The following SV2B variants were observed in gnomAD, a reference collection of about 807,000 sequenced individuals.
SV2B encodes the protein synaptic vesicle glycoprotein 2B.
In SV2B, 41 loss-of-function variants were observed where a neutral mutation model predicts 73.9. The ratio of observed to expected loss-of-function variants is 0.56; its 90% confidence interval spans 0.43 to 0.72. The LOEUF (loss-of-function observed/expected upper bound fraction) is 0.72, where lower values mean the gene tolerates loss of function less well. Ranked by LOEUF, SV2B falls within the 30% of genes least tolerant of loss-of-function variation. SV2B has a pLI of 0.00. For synonymous variants in SV2B, 314 were observed against 314.2 expected (o/e 1.00, Z 0.01); for missense variants, 764 against 857.8 (o/e 0.89, Z 1.37).
At position 91,267,516 on chromosome 15, in the gene SV2B, T is replaced by C. The variant is rs2048146754; in HGVS notation, c.1120-39T>C. ...TTCGTGGGAGAAACAAAGTCACACA[T>C]TGCTTTCTTTAACAATCCTTCTCTG... is the stretch of plus-strand genomic sequence containing the variant. On this transcript the variant is annotated intron_variant, in intron 7 of 12. Coordinates refer to ENST00000394232, the MANE Select transcript of SV2B (RefSeq NM_001323032.3). The surrounding 1 kb of genome is among the most constrained non-coding windows in gnomAD (Gnocchi z 4.3). 1 of 1,562,404 alleles carries C rather than the reference T, an allele frequency of 6.4e-7. No homozygotes were observed. Among genetic ancestry groups the C allele is most frequent in the Non-Finnish European group, 8.8e-7 (1 of 1,135,942 alleles).
Position 91,106,578 on chromosome 15 carries a change from G to A in SV2B, c.-392+6215G>A, listed in dbSNP as rs915848872. 2.0e-5 allele frequency among the ~76,000 whole-genome samples: 3 copies of A among 152,208 alleles called. No individual in the cohort carries two copies. The highest frequency in any genetic ancestry group is 4.4e-5 in the Non-Finnish European group (3 of 68,028). On this transcript the variant is annotated intron_variant, in intron 1 of 12. Coordinates refer to ENST00000394232, the MANE Select transcript of SV2B (RefSeq NM_001323032.3). This position sits in a 1 kb window ranked among gnomAD's most constrained non-coding sequence, Gnocchi z 4.4. The stretch of plus-strand genomic sequence containing the variant: ...TATGCACTAAAAAGAGGCTTTAAAT[G>A]TGAAGGCTCCAATCGCTTATATCAT...
In SV2B at chr15:91,161,738, C is replaced by G. The variant is rs113224806; in HGVS notation, c.-392+61375C>G. Reference sequence around the variant, plus strand: ...TTGAACCTAGAATCTAGATCAAGATCCATGCTTTTTTCTCCACTCTGCCTA... The same window carrying G: ...TTGAACCTAGAATCTAGATCAAGATGCATGCTTTTTTCTCCACTCTGCCTA... On this transcript the variant is annotated intron_variant, in intron 1 of 12. Coordinates refer to ENST00000394232, the MANE Select transcript of SV2B (RefSeq NM_001323032.3). 4.5e-4 allele frequency among the ~76,000 whole-genome samples: 68 copies of G among 152,294 alleles called. 1 individual carries two copies. The highest frequency in any genetic ancestry group is 1.5e-3 in the African/African-American group (63 of 41,568).
chr15:91,154,451 G>A (rs1206508200), intron 1 of SV2B, among the ~76,000 whole-genome samples: 1 of 152,170 alleles, frequency 6.6e-6, no homozygotes, highest in Non-Finnish European at 1.5e-5. Flanking sequence ...TGTGGAAGGA[G>A]CAGGGAGGGA....
rs1290687907 is a variant in SV2B at position 91,137,053 on chromosome 15, C to A, written c.-392+36690C>A. Among the ~76,000 whole-genome samples, 2 of 152,168 alleles carry A rather than the reference C, an allele frequency of 1.3e-5. No individual in the cohort carries two copies. Among genetic ancestry groups the A allele is most frequent in the African/African-American group, 4.8e-5 (2 of 41,438 alleles). On this transcript the variant is annotated intron_variant, in intron 1 of 12. Coordinates refer to ENST00000394232, the MANE Select transcript of SV2B (RefSeq NM_001323032.3). The surrounding 1 kb of genome is among the most constrained non-coding windows in gnomAD (Gnocchi z 4.9). ...TTTTTAGGGAAGAGTATGAATGATGCAACTTGTAAACCAGTTATTGGGGTG... is the reference window on the plus strand; with the variant it reads ...TTTTTAGGGAAGAGTATGAATGATGAAACTTGTAAACCAGTTATTGGGGTG...
Position 91,110,920 on chromosome 15 carries a change from G to A in SV2B, c.-392+10557G>A, listed in dbSNP as rs1407481966. Among the ~76,000 whole-genome samples the A allele has an allele frequency of 6.6e-6, 1 of 151,698 alleles. No homozygotes were observed. The highest frequency in any genetic ancestry group is 2.4e-5 in the African/African-American group (1 of 41,392). ...ATAGGGTAGCAATGTAAAGGCAGTA[G>A]CTTGAAACTTAAGGCAAAGAAGAGA... On this transcript the variant is annotated intron_variant, in intron 1 of 12. Transcript: ENST00000394232. This position sits in a 1 kb window ranked among gnomAD's most constrained non-coding sequence, Gnocchi z 5.4.
At chr15:91,270,595 A>G (rs1289220409) in intron 9 of SV2B, among the ~76,000 whole-genome samples, 2 of 152,216 alleles carry the variant, frequency 1.3e-5, no homozygotes, top group Non-Finnish European at 2.9e-5. Context: ...AGTCAATACA[A>G]CGCAGAGTCC....
At chr15:91,163,572 G>A (rs2043803104) in intron 1 of SV2B, among the ~76,000 whole-genome samples, 1 of 152,214 alleles carries the variant, frequency 6.6e-6, no homozygotes, top group African/African-American at 2.4e-5. Flanking sequence ...CTTTTGAGAA[G>A]TGTCTGTTCA....
Position 91,288,217 on chromosome 15 carries a change from C to T in SV2B, c.1709-1304C>T, listed in dbSNP as rs181744729. Among the ~76,000 whole-genome samples, 3 of 152,212 alleles carry T rather than the reference C, an allele frequency of 2.0e-5. No individual in the cohort carries two copies. The highest frequency in any genetic ancestry group is 2.0e-4 in the Admixed American group (3 of 15,296). ...AATAGCCCATGTACAGGTGTGTTCT[C>T]ACCAGGTTATAAGCTCCATGAGAAT... is the stretch of plus-strand genomic sequence containing the variant. On this transcript the variant is annotated intron_variant, in intron 11 of 12. Transcript: ENST00000394232. The surrounding 1 kb of genome is among the most constrained non-coding windows in gnomAD (Gnocchi z 5.8).
chr15:91,179,393 T>G (rs1416164902), intron 1 of SV2B, among the ~76,000 whole-genome samples: 2 of 152,364 alleles, frequency 1.3e-5, no homozygotes, highest in East Asian at 3.9e-4. Flanking sequence ...GAGAGTTCTG[T>G]AGATGTCTAT....
intron 1 of SV2B, among the ~76,000 whole-genome samples, chr15:91,200,819 G>T (rs554111794): frequency 6.6e-6 from 1 of 152,270 alleles, no homozygotes; most frequent in East Asian, 1.9e-4. Context: ...CCTGAGGTGG[G>T]AGGAAGGCTT....
At chr15:91,186,346 T>C (rs1441929038) in intron 1 of SV2B, among the ~76,000 whole-genome samples, 1 of 152,168 alleles carries the variant, frequency 6.6e-6, no homozygotes, top group Admixed American at 6.5e-5. Flanking sequence ...TGAGCAAAAA[T>C]TATATATAAA....
In SV2B at chr15:91,253,693, G is replaced by A. The variant is rs1039503765; in HGVS notation, c.784+1173G>A. Reference sequence around the variant, plus strand: ...TCAACCTACAGCTTACAAGGTCTCCGGTTTGGGGAAAGAGAATGGGCAGTT... The same window carrying A: ...TCAACCTACAGCTTACAAGGTCTCCAGTTTGGGGAAAGAGAATGGGCAGTT... On this transcript the variant is annotated intron_variant, in intron 4 of 12. Transcript: ENST00000394232. The surrounding 1 kb of genome is among the most constrained non-coding windows in gnomAD (Gnocchi z 5.0). Among the ~76,000 whole-genome samples the A allele has an allele frequency of 5.3e-5, 8 of 152,324 alleles. No individual in the cohort carries two copies. Among genetic ancestry groups the A allele is most frequent in the African/African-American group, 9.6e-5 (4 of 41,572 alleles).
Position 91,226,363 on chromosome 15 carries a change from G to A in SV2B, c.100G>A (p.Asp34Asn). Reference protein sequence around the residue: ...ESNPEEDAQSDVTEGHDEEDE... With the variant: ...ESNPEEDAQSNVTEGHDEEDE... ...CAACCCAGAAGAAGATGCACAGAGT[G>A]ATGTCACCGAAGGCCATGATGAGGA... The change falls in exon 2 of 13, where the codon GAT (aspartate) becomes AAT (asparagine). Residue 34 changes from aspartate to asparagine, a missense_variant. Coordinates refer to ENST00000394232, the MANE Select transcript of SV2B (RefSeq NM_001323032.3). The A allele has an allele frequency of 6.2e-7, 1 of 1,614,164 alleles. No homozygotes were observed. The highest frequency in any genetic ancestry group is 8.5e-7 in the Non-Finnish European group (1 of 1,180,026).
intron 2 of SV2B, among the ~76,000 whole-genome samples, chr15:91,233,743 C>G (rs1797500932): frequency 6.6e-6 from 1 of 152,120 alleles, no homozygotes; most frequent in Non-Finnish European, 1.5e-5. Flanking sequence ...CTGTAATTGC[C>G]TCTCCTGAGG....
intron 1 of SV2B, among the ~76,000 whole-genome samples, chr15:91,189,441 C>T (rs903857266): frequency 6.6e-6 from 1 of 151,764 alleles, no homozygotes; most frequent in African/African-American, 2.4e-5. Context: ...CTTTTTCACA[C>T]AGTGCTATTT....
intron 1 of SV2B, among the ~76,000 whole-genome samples, chr15:91,131,368 C>T (rs1288947979): frequency 3.4e-5 from 5 of 149,072 alleles, no homozygotes; most frequent in Non-Finnish European, 3.0e-5. Flanking sequence ...GGGGGTCAGT[C>T]GATTTGAACA....
chr15:91,158,633 C>CCTCTTCTCTTCTCTTCTCTT lies in SV2B; in HGVS notation c.-392+58320_-392+58339dup, dbSNP rs368190783. On this transcript the variant is annotated intron_variant, in intron 1 of 12. Coordinates refer to ENST00000394232, the MANE Select transcript of SV2B (RefSeq NM_001323032.3). ...AAGGGTGGCCTTTTCTTTTATTTTCCCTCTTCTCTTCTCTTCTCTTCTCTT... is the reference window on the plus strand; with the variant it reads ...AAGGGTGGCCTTTTCTTTTATTTTCCCTCTTCTCTTCTCTTCTCTTCTCTTCTCTTCTCTTCTCTTCTCTT... 5.0e-3 allele frequency among the ~76,000 whole-genome samples: 271 copies of CCTCTTCTCTTCTCTTCTCTT among 54,420 alleles called. 10 individuals carry two copies. The highest frequency in any genetic ancestry group is 9.2e-3 in the East Asian group (11 of 1,190). The allele number at this position is 54,420 out of a possible 152,430, so 35.7% of individuals were successfully genotyped here.
chr15:91,168,308 G>A (rs1301989312), intron 1 of SV2B, among the ~76,000 whole-genome samples: 1 of 151,490 alleles, frequency 6.6e-6, no homozygotes, highest in Non-Finnish European at 1.5e-5. Context: ...ATACGAGAGA[G>A]AGAGAGAGAG....
chr15:91,154,504 G>A (rs1045105881), intron 1 of SV2B, among the ~76,000 whole-genome samples: 17 of 152,342 alleles, frequency 1.1e-4, no homozygotes, highest in Non-Finnish European at 2.2e-4. Flanking sequence ...GCTGTGTAGC[G>A]TCAGGTATTG....
Sources: allele counts gnomAD v4.1 joint callset (sites outside exome capture counted in the v4.1 genomes callset), GRCh38; gene constraint gnomAD v4.1.1; non-coding constraint Gnocchi (gnomAD v3.1); transcripts MANE v1.5; gene names NCBI Gene and HGNC (gene_info 2026-07-23, HGNC 2026-07-21).